BCL11A: variants seen among roughly 807,000 people sequenced by gnomAD.
BCL11A encodes B cell CLL/lymphoma 11A.
In BCL11A, 2 loss-of-function variants were observed where a neutral mutation model predicts 55.9. The observed-to-expected ratio is 0.04, with a 90% CI of 0.01 to 0.11. The LOEUF (loss-of-function observed/expected upper bound fraction) is 0.11, where lower values mean the gene tolerates loss of function less well. Ranked by LOEUF, BCL11A falls within the 10% of genes least tolerant of loss-of-function variation. The pLI, the probability that BCL11A is intolerant of heterozygous loss-of-function variation, is 1.00. For synonymous variants in BCL11A, 465 were observed against 473.4 expected, an observed-to-expected ratio of 0.98 and a Z score of 0.23; for missense variants, 817 against 1,137.1, an observed-to-expected ratio of 0.72 and a Z score of 4.05.
At chr2:60,493,273 AATGGAC>A (rs2104332864) in intron 2 of BCL11A, among the ~76,000 whole-genome samples, 1 of 152,318 alleles carries the variant, frequency 6.6e-6, no homozygotes, top group South Asian at 2.1e-4. Context: ...ACAGTGCTAC[AATGGAC>A]ACTGTGTAGA....
rs751338732 is a variant in BCL11A at position 60,460,917 on chromosome 2, G to A, written c.1995C>T (p.Ala665=). The part of the protein sequence containing the change: ...VYSQWLAGYA[A]SRQLKDPFLS... ...GGAAGGGATCTTTGAGCTGCCTGGA[G>A]GCCGCGTAGCCGGCGAGCCACTGCG... The change falls in exon 4 of 4, where the codon GCC becomes GCT. Residue 665 remains alanine, a synonymous_variant. Coordinates refer to ENST00000642384, the MANE Select transcript of BCL11A (RefSeq NM_022893.4). 3 of 1,612,744 alleles carry A rather than the reference G, an allele frequency of 1.9e-6. No homozygotes were observed. The African/African-American group carries it at 4.0e-5, about 22-fold the overall frequency.
At chr2:60,532,548 C>CTTG (rs1669506102) in intron 2 of BCL11A, among the ~76,000 whole-genome samples, 1 of 150,544 alleles carries the variant, frequency 6.6e-6, no homozygotes, top group Admixed American at 6.6e-5. Context: ...TTTACAGAAC[C>CTTG]TTGGTATGTG....
At chr2:60,497,419 C>G (rs1368562919) in intron 2 of BCL11A, among the ~76,000 whole-genome samples, 1 of 152,148 alleles carries the variant, frequency 6.6e-6, no homozygotes, top group African/African-American at 2.4e-5. Flanking sequence ...TAGAAACTAG[C>G]CCTCAGGTTA....
At chr2:60,498,453 G>A (rs1182731765) in intron 2 of BCL11A, among the ~76,000 whole-genome samples, 1 of 152,148 alleles carries the variant, frequency 6.6e-6, no homozygotes, top group East Asian at 1.9e-4. Context: ...GGTGTGCCCT[G>A]AGAAGGTGGG....
chr2:60,461,688 G>T lies in BCL11A; in HGVS notation c.1224C>A (p.Asn408Lys). The change falls in exon 4 of 4, where the codon AAC becomes AAA. Residue 408 changes from asparagine to lysine, a missense_variant. This residue lies in a region of BCL11A where 45 missense variants were observed against 109.0 expected (regional missense o/e 0.41). Coordinates refer to ENST00000642384, the MANE Select transcript of BCL11A (RefSeq NM_022893.4). Reference sequence around the variant, plus strand: ...CCTGGGTGCACGCGTGGTCGCACAGGTTGCACTTGTAGGGCTTCTCGCCCG... The same window carrying T: ...CCTGGGTGCACGCGTGGTCGCACAGTTTGCACTTGTAGGGCTTCTCGCCCG... ...SHTGEKPYKC[N>K]LCDHACTQAS... The T allele has an allele frequency of 6.2e-7, 1 of 1,614,060 alleles. No individual in the cohort carries two copies. The highest frequency in any genetic ancestry group is 8.5e-7 in the Non-Finnish European group (1 of 1,180,048).
At chr2:60,551,776 G>A (rs1429390230) in intron 1 of BCL11A, among the ~76,000 whole-genome samples, 2 of 150,770 alleles carry the variant, frequency 1.3e-5, no homozygotes, top group Non-Finnish European at 3.0e-5. Context: ...TGGCGGGTGG[G>A]CGCCGGGCGC....
intron 2 of BCL11A, among the ~76,000 whole-genome samples, chr2:60,531,230 G>A (rs1450720612): frequency 6.6e-6 from 1 of 151,120 alleles, no homozygotes; most frequent in East Asian, 1.9e-4. Context: ...TGTGTTGCCC[G>A]ACGGTCCTGC....
chr2:60,483,634 G>A (rs1489471320), intron 2 of BCL11A, among the ~76,000 whole-genome samples: 6 of 152,164 alleles, frequency 3.9e-5, no homozygotes, highest in Admixed American at 3.3e-4. Flanking sequence ...GAGGATGCTC[G>A]TCCCCAGGAA....
At chr2:60,542,738 C>T (rs1317127271) in intron 2 of BCL11A, 3 of 152,266 alleles carry the variant, frequency 2.0e-5, no homozygotes, top group African/African-American at 7.2e-5. Context: ...CTAAAAAATA[C>T]TCAGTTTGGG....
chr2:60,458,423 TA>T lies in BCL11A; in HGVS notation c.*1980del, dbSNP rs997723521. The T allele has an allele frequency of 2.4e-5, 24 of 1,020,666 alleles. No individual in the cohort carries two copies. In the East Asian group the frequency reaches 1.1e-3, roughly 46 times the overall value. The allele number at this position is 1,020,666 out of a possible 1,614,324, so 63.2% of individuals were successfully genotyped here. On this transcript the variant is annotated 3_prime_UTR_variant, in exon 4 of 4. Coordinates refer to ENST00000642384, the MANE Select transcript of BCL11A (RefSeq NM_022893.4). ...CCCCTAAACATAATGAAGTGTTTTTTAAAAAAAATTTTTCTTAACATTTATA... is the reference window on the plus strand; with the variant it reads ...CCCCTAAACATAATGAAGTGTTTTTTAAAAAAATTTTTCTTAACATTTATA...
chr2:60,532,319 G>A (rs991755651), intron 2 of BCL11A, among the ~76,000 whole-genome samples: 2 of 146,856 alleles, frequency 1.4e-5, no homozygotes, highest in African/African-American at 5.0e-5. Flanking sequence ...GTTGCTTTTT[G>A]GTTTTTGGGT....
chr2:60,528,428 T>C (rs1263646296), intron 2 of BCL11A: 1 of 152,340 alleles, frequency 6.6e-6, no homozygotes, highest in Non-Finnish European at 1.5e-5. Flanking sequence ...AAATGACTAC[T>C]TGCAAAGCAG....
chr2:60,523,084 A>C (rs1251885478), intron 2 of BCL11A, among the ~76,000 whole-genome samples: 1 of 152,210 alleles, frequency 6.6e-6, no homozygotes, highest in Non-Finnish European at 1.5e-5. Context: ...ATCTTTCAGG[A>C]TATAAAATAA....
chr2:60,465,206 T>C (rs1315849917), intron 3 of BCL11A, among the ~76,000 whole-genome samples: 1 of 152,242 alleles, frequency 6.6e-6, no homozygotes, highest in Non-Finnish European at 1.5e-5. Context: ...ATAAATGTGT[T>C]ACTTGCCATA....
chr2:60,467,233 G>C (rs1483229214), intron 3 of BCL11A, among the ~76,000 whole-genome samples: 4 of 121,540 alleles, frequency 3.3e-5, no homozygotes, highest in African/African-American at 1.3e-4. Context: ...TGGTGGTGGT[G>C]GTAGTGATGG....
intron 3 of BCL11A, among the ~76,000 whole-genome samples, chr2:60,467,240 A>ATGG (rs57821297): frequency 0.096 from 4,681 of 48,902 alleles, 877 homozygotes; most frequent in Non-Finnish European, 0.14. Flanking sequence ...GGTGGTAGTG[A>ATGG]TGGTGGTGGT....
At chr2:60,481,483 G>A (rs1677958007) in intron 2 of BCL11A, among the ~76,000 whole-genome samples, 1 of 152,064 alleles carries the variant, frequency 6.6e-6, no homozygotes, top group Non-Finnish European at 1.5e-5. Flanking sequence ...AGGAGTCAGA[G>A]GGTCACCCAG....
chr2:60,469,977 GTGT>G (rs1413839613), intron 2 of BCL11A, among the ~76,000 whole-genome samples: 1 of 152,168 alleles, frequency 6.6e-6, no homozygotes, highest in Admixed American at 6.5e-5. Flanking sequence ...GCACTTAGAA[GTGT>G]TGTTGTTGTA....
chr2:60,505,319 T>C (rs1359838496), intron 2 of BCL11A, among the ~76,000 whole-genome samples: 1 of 152,226 alleles, frequency 6.6e-6, no homozygotes, highest in African/African-American at 2.4e-5. Flanking sequence ...TTCTTCCAGA[T>C]TGTTCCAAAT....
Sources: gnomAD v4.1 joint callset for allele counts (sites outside exome capture counted in the v4.1 genomes callset) on GRCh38, gnomAD v4.1.1 for gene constraint, gnomAD v4.1.1 regional missense constraint, MANE v1.5 for transcripts, NCBI Gene and HGNC (gene_info 2026-07-23, HGNC 2026-07-21) for gene names.